HERC6: variants seen among roughly 807,000 people sequenced by gnomAD.
HERC6 encodes probable E3 ubiquitin-protein ligase HERC6.
Under a neutral mutation model 114.5 loss-of-function variants are expected in HERC6, and 101 were observed. The observed-to-expected ratio is 0.88, with a 90% CI of 0.75 to 1.04. The LOEUF is 1.04. HERC6 is among the 50% of genes least tolerant of loss of function. The probability of loss-of-function intolerance (pLI) is 0.00; values close to 1 mark genes in which losing one functional copy is unlikely to be tolerated. For synonymous variants in HERC6, 408 were observed against 436.2 expected (o/e 0.94, Z 0.81); for missense variants, 1,133 against 1,230.9 (o/e 0.92, Z 1.19).
chr4:88,392,129 C>T (rs1448207882), intron 4 of HERC6, among the ~76,000 whole-genome samples: 23 of 120,352 alleles, frequency 1.9e-4, no homozygotes, highest in African/African-American at 6.6e-4. Flanking sequence ...CCCTCCCTTC[C>T]CCTCTCCTCC....
intron 17 of HERC6, among the ~76,000 whole-genome samples, chr4:88,433,041 T>C (rs1165845487): frequency 6.6e-6 from 1 of 152,044 alleles, no homozygotes; most frequent in Non-Finnish European, 1.5e-5. Context: ...TGAGCCAAGA[T>C]CGCACCACTG....
In HERC6 at chr4:88,390,774, G is replaced by T. The variant is rs2148875440; in HGVS notation, c.559G>T (p.Ala187Ser). ...SLEGIPLAQV[A>S]AGGAHSFALS... ...GGAGGGGATCCCACTGGCTCAGGTG[G>T]CTGCCGGAGGGGCTCACAGCTTTGC... Residue 187 changes from alanine (A) to serine (S), a missense_variant, in exon 4 of 23, where the codon GCT (alanine) becomes TCT (serine). Around this residue, in one of 3 missense-constraint regions of HERC6, gnomAD observed 735 missense variants for 754.0 expected, o/e 0.97. Transcript: ENST00000264346. The T allele has an allele frequency of 6.2e-7, 1 of 1,614,220 alleles. No homozygotes were observed. The highest frequency in any genetic ancestry group is 1.1e-5 in the South Asian group (1 of 91,086).
chr4:88,422,684 T>C (rs1236323152), intron 13 of HERC6, among the ~76,000 whole-genome samples: 1 of 152,180 alleles, frequency 6.6e-6, no homozygotes, highest in Non-Finnish European at 1.5e-5. Flanking sequence ...GAGACTGGTT[T>C]GTTATTTTAC....
chr4:88,424,851 G>GT (rs1453211122), intron 15 of HERC6, 149 bp downstream of exon 15: 1 of 595,548 alleles, frequency 1.7e-6, no homozygotes, highest in Non-Finnish European at 2.9e-6. Flanking sequence ...TGTTGTTACT[G>GT]TTTTTGCTGA....
intron 17 of HERC6, among the ~76,000 whole-genome samples, chr4:88,431,673 G>A (rs1026094200): frequency 3.3e-5 from 5 of 152,224 alleles, no homozygotes; most frequent in African/African-American, 1.2e-4. Context: ...TGTAATTCCA[G>A]GATTTTGAGA....
At chr4:88,403,526 G>A (rs1281577035) in intron 8 of HERC6, among the ~76,000 whole-genome samples, 2 of 152,122 alleles carry the variant, frequency 1.3e-5, no homozygotes, top group East Asian at 1.9e-4. Context: ...AGGCCGAGGC[G>A]GGTGGATCAC....
chr4:88,440,398 G>T, intron 22 of HERC6, 148 bp downstream of exon 22: 1 of 608,636 alleles, frequency 1.6e-6, no homozygotes, highest in Non-Finnish European at 2.9e-6. Flanking sequence ...CAAGGACATG[G>T]ACACACACAA....
rs1280859312 is a variant in HERC6, at chr4:88,390,746, C to G, written c.531C>G (p.Ser177=). 6.2e-7 allele frequency: 1 copy of G among 1,614,118 alleles called. No individual in the cohort carries two copies. The highest frequency in any genetic ancestry group is 1.3e-5 in the African/African-American group (1 of 75,018). ...AAGCCAGCCCGCAGAGGGTGAGGTC[C>G]CTGGAGGGGATCCCACTGGCTCAGG... The part of the protein sequence containing the change: ...PSQASPQRVR[S]LEGIPLAQVA... The change falls in exon 4 of 23, where the codon TCC becomes TCG. Residue 177 remains serine (S), a synonymous_variant. Coordinates refer to ENST00000264346, the MANE Select transcript of HERC6 (RefSeq NM_017912.4).
chr4:88,379,221 C>G, intron 1 of HERC6, 101 bp downstream of exon 1: 1 of 988,646 alleles, frequency 1.0e-6, no homozygotes. Flanking sequence ...CGCTGGGACC[C>G]GGGTGAGGGG....
At chr4:88,405,870 G>GT (rs751003799) in intron 10 of HERC6, among the ~76,000 whole-genome samples, 111 of 152,204 alleles carry the variant, frequency 7.3e-4, no homozygotes, top group Non-Finnish European at 1.5e-3. Flanking sequence ...AAGGAATGGT[G>GT]TTTTTTCAGG....
chr4:88,380,298 A>AATATATATATAATAT (rs1734206447), intron 1 of HERC6, among the ~76,000 whole-genome samples: 2 of 17,922 alleles, frequency 1.1e-4, no homozygotes, highest in East Asian at 3.3e-3. Context: ...ATAATATATA[A>AATATATATATAATAT]ATATATATAT....
At chr4:88,437,057 T>TG in intron 19 of HERC6, 86 bp downstream of exon 19, 1 of 1,020,614 alleles carries the variant, frequency 9.8e-7, no homozygotes, top group Non-Finnish European at 1.4e-6. Context: ...AAATTTGGGA[T>TG]CCCTTTTTTT....
At position 88,407,361 on chromosome 4, in the gene HERC6, G is replaced by A. The variant is rs367713617; in HGVS notation, c.1275-1163G>A. On this transcript the variant is annotated intron_variant, in intron 10 of 22. Transcript: ENST00000264346. ...CTCCCAAAGTGCTGGGATTACAGGC[G>A]TGAGCCACTATGCTCGGCATTTTGT... Among the ~76,000 whole-genome samples the A allele has an allele frequency of 4.2e-4, 64 of 152,234 alleles. 2 individuals carry two copies. The highest frequency in any genetic ancestry group is 1.3e-3 in the African/African-American group (56 of 41,554).
At chr4:88,380,271 AT>A (rs1734195420) in intron 1 of HERC6, among the ~76,000 whole-genome samples, 1 of 72,376 alleles carries the variant, frequency 1.4e-5, no homozygotes, top group Admixed American at 2.6e-4. Context: ...ATATAAATAT[AT>A]ATAATATATA....
chr4:88,388,524 C>T (rs1333437030), intron 3 of HERC6, among the ~76,000 whole-genome samples: 1 of 142,882 alleles, frequency 7.0e-6, no homozygotes, highest in Non-Finnish European at 1.5e-5. Context: ...GCACTCAAGC[C>T]TGGGTGACAG....
intron 8 of HERC6, chr4:88,398,594 T>G (rs1191155042): frequency 6.3e-6 from 1 of 157,850 alleles, no homozygotes; most frequent in Admixed American, 6.5e-5. Context: ...GGAGGGAATT[T>G]CCCAGTGGCA....
intron 18 of HERC6, 121 bp from the exon 19 acceptor site, chr4:88,436,784 T>C (rs1456109549): frequency 1.7e-6 from 1 of 604,806 alleles, no homozygotes; most frequent in Non-Finnish European, 2.7e-6. Flanking sequence ...AGATGGAGGA[T>C]AGGAAATTTA....
intron 5 of HERC6, among the ~76,000 whole-genome samples, chr4:88,394,474 CAAAAAAAA>C (rs781425955): frequency 3.0e-3 from 128 of 42,876 alleles, no homozygotes; most frequent in Non-Finnish European, 4.7e-3. Flanking sequence ...CTCTCCTGTC[CAAAAAAAA>C]AAAAAAAAAA....
At chr4:88,431,725 C>T (rs137926599) in intron 17 of HERC6, among the ~76,000 whole-genome samples, 5 of 152,234 alleles carry the variant, frequency 3.3e-5, no homozygotes, top group South Asian at 4.1e-4. Flanking sequence ...AGACTACAGG[C>T]GTATGTCACA....
Sources: gnomAD v4.1 joint callset for allele counts (sites outside exome capture counted in the v4.1 genomes callset) on GRCh38, gnomAD v4.1.1 for gene constraint, gnomAD v4.1.1 regional missense constraint, MANE v1.5 for transcripts, NCBI Gene and HGNC (gene_info 2026-07-23, HGNC 2026-07-21) for gene names.